Variants in ADAM23 observed in about 807,000 individuals in gnomAD.
ADAM23 encodes the protein disintegrin and metalloproteinase domain-containing protein 23.
In ADAM23, 33 loss-of-function variants were observed where a neutral mutation model predicts 120.1. The ratio of observed to expected loss-of-function variants is 0.27; its 90% confidence interval spans 0.21 to 0.37. ADAM23 has a LOEUF of 0.37. Ranked by LOEUF, ADAM23 falls within the 10% of genes least tolerant of loss-of-function variation. The pLI, the probability that ADAM23 is intolerant of heterozygous loss-of-function variation, is 1.00. For synonymous variants in ADAM23, 367 were observed against 375.2 expected, an observed-to-expected ratio of 0.98 and a Z score of 0.25; for missense variants, 862 against 1,058.2, an observed-to-expected ratio of 0.81 and a Z score of 2.57.
In ADAM23 at chr2:206,569,790, A is replaced by G. The variant is rs558363356; in HGVS notation, c.1495-950A>G. ...CCTGGAAACCTTTGCTTTTCGTAATAGTTTTGCCTTCCTGGAAGTGGAAGG... is the reference window on the plus strand; with the variant it reads ...CCTGGAAACCTTTGCTTTTCGTAATGGTTTTGCCTTCCTGGAAGTGGAAGG... On this transcript the variant is annotated intron_variant, in intron 15 of 25. Coordinates refer to ENST00000264377, the MANE Select transcript of ADAM23 (RefSeq NM_003812.4). 5.3e-5 allele frequency among the ~76,000 whole-genome samples: 8 copies of G among 152,224 alleles called. No homozygotes were observed. In the East Asian group the frequency reaches 1.4e-3, roughly 26 times the overall value.
At position 206,481,301 on chromosome 2, in the gene ADAM23, C is replaced by T. The variant is rs754988103; in HGVS notation, c.502C>T (p.Leu168=). 3 of 1,606,986 alleles carry T rather than the reference C, an allele frequency of 1.9e-6. No individual in the cohort carries two copies. The South Asian group carries it at 3.3e-5, about 18-fold the overall frequency. The part of the protein sequence containing the change: ...FGSKFILDLI[L]NNGLLSSDYV... ...CTCCAAATTCATTCTTGACCTCATA[C>T]TGAACAAGTGAGTATTTAGACATAA... The change falls in exon 3 of 26, where the codon CTG becomes TTG. Residue 168 remains leucine (L), a synonymous_variant. Coordinates refer to ENST00000264377, the MANE Select transcript of ADAM23 (RefSeq NM_003812.4).
chr2:206,553,290 G>A (rs1361989992), intron 9 of ADAM23, among the ~76,000 whole-genome samples: 1 of 151,948 alleles, frequency 6.6e-6, no homozygotes, highest in African/African-American at 2.4e-5. Context: ...TAAAAAATTA[G>A]CCGGAGGTGG....
chr2:206,521,269 A>G (rs1333368003), intron 3 of ADAM23, among the ~76,000 whole-genome samples: 1 of 152,112 alleles, frequency 6.6e-6, no homozygotes, highest in Non-Finnish European at 1.5e-5. Flanking sequence ...GCTGATATTC[A>G]GGGAACATCT....
chr2:206,584,849 G>A (rs981101313), intron 18 of ADAM23, among the ~76,000 whole-genome samples: 4 of 152,098 alleles, frequency 2.6e-5, no homozygotes, highest in Non-Finnish European at 5.9e-5. Flanking sequence ...CCACCTTCCC[G>A]TTGGATCCCT....
intron 6 of ADAM23, among the ~76,000 whole-genome samples, chr2:206,544,105 C>A (rs1320409795): frequency 6.6e-6 from 1 of 152,094 alleles, no homozygotes; most frequent in Non-Finnish European, 1.5e-5. Context: ...CACCTGTTCC[C>A]CAAAAACCTA....
intron 3 of ADAM23, among the ~76,000 whole-genome samples, chr2:206,492,757 C>CTAA (rs1696159858): frequency 6.6e-6 from 1 of 152,096 alleles, no homozygotes; most frequent in Admixed American, 6.6e-5. Flanking sequence ...CTCTCATGGC[C>CTAA]TAATCACCCT....
At chr2:206,507,655 T>C (rs192150640) in intron 3 of ADAM23, among the ~76,000 whole-genome samples, 1 of 152,318 alleles carries the variant, frequency 6.6e-6, no homozygotes, top group East Asian at 1.9e-4. Flanking sequence ...ATTGTATGGC[T>C]TTTTCCTGCG....
chr2:206,619,469 T>G lies in ADAM23; in HGVS notation c.*1842T>G, dbSNP rs913217947. 2.6e-4 allele frequency: 40 copies of G among 152,118 alleles called. No homozygotes were observed. The highest frequency in any genetic ancestry group is 9.6e-4 in the African/African-American group (40 of 41,484). 9.4% of individuals were successfully genotyped at this position (152,118 alleles called of 1,614,324 possible). On this transcript the variant is annotated 3_prime_UTR_variant, in exon 26 of 26. Coordinates refer to ENST00000264377, the MANE Select transcript of ADAM23 (RefSeq NM_003812.4). ...AGTGAGCATCCCTCTATAGATGGGC[T>G]TTAGTAAAGACTGTCCCAAAGAGCC...
intron 3 of ADAM23, among the ~76,000 whole-genome samples, chr2:206,493,040 T>G (rs1291418749): frequency 6.6e-6 from 1 of 152,196 alleles, no homozygotes; most frequent in Non-Finnish European, 1.5e-5. Flanking sequence ...TCCATAGATT[T>G]ATATAAAGTA....
chr2:206,463,227 A>G (rs1164149973), intron 2 of ADAM23, among the ~76,000 whole-genome samples: 1 of 152,232 alleles, frequency 6.6e-6, no homozygotes, highest in Non-Finnish European at 1.5e-5. Context: ...AGATGGGAGT[A>G]TATCCTGGAT....
chr2:206,522,116 T>C (rs1262467756), intron 3 of ADAM23, among the ~76,000 whole-genome samples: 1 of 151,924 alleles, frequency 6.6e-6, no homozygotes, highest in Non-Finnish European at 1.5e-5. Flanking sequence ...AGGTTATATA[T>C]ATGTATGTAA....
In ADAM23 at chr2:206,594,722, T is replaced by A. The variant is rs1698488247; in HGVS notation, c.2079-15T>A. On this transcript the variant is annotated splice_polypyrimidine_tract_variant and intron_variant, in intron 22 of 25. Coordinates refer to ENST00000264377, the MANE Select transcript of ADAM23 (RefSeq NM_003812.4). ...TGTGGTGCAAATAGTTATATGGGTA[T>A]CTTTCTTGTTTTAGTGGTGCCCATG... is the stretch of plus-strand genomic sequence containing the variant. 2 of 1,613,970 alleles carry A rather than the reference T, an allele frequency of 1.2e-6. No homozygotes were observed. Among genetic ancestry groups the A allele is most frequent in the East Asian group, 4.5e-5 (2 of 44,874 alleles).
intron 3 of ADAM23, among the ~76,000 whole-genome samples, chr2:206,524,951 C>T (rs919258537): frequency 6.6e-6 from 1 of 152,162 alleles, no homozygotes; most frequent in Admixed American, 6.5e-5. Flanking sequence ...TATTTTCCAC[C>T]TTGTAGACCA....
At chr2:206,580,447 A>G (rs527410246) in intron 18 of ADAM23, among the ~76,000 whole-genome samples, 1 of 152,214 alleles carries the variant, frequency 6.6e-6, no homozygotes, top group Admixed American at 6.5e-5. Flanking sequence ...ATTTTGTCAA[A>G]TGCTTTTTCT....
intron 3 of ADAM23, among the ~76,000 whole-genome samples, chr2:206,519,760 C>A (rs562642602): frequency 6.6e-6 from 1 of 152,034 alleles, no homozygotes; most frequent in Non-Finnish European, 1.5e-5. Flanking sequence ...TCTTCTAATA[C>A]CAGCACTTTG....
chr2:206,602,255 A>G (rs1166959169), intron 24 of ADAM23, among the ~76,000 whole-genome samples: 1 of 152,196 alleles, frequency 6.6e-6, no homozygotes, highest in East Asian at 1.9e-4. Flanking sequence ...GTTTCAGTTC[A>G]GAAAAACCCT....
At chr2:206,608,077 A>G in intron 24 of ADAM23, 1 of 391,720 alleles carries the variant, frequency 2.6e-6, no homozygotes, top group South Asian at 2.0e-5. Flanking sequence ...TGGGGAGGAA[A>G]TACATGTAAG....
chr2:206,574,130 C>G (rs774829104), intron 18 of ADAM23, among the ~76,000 whole-genome samples: 2 of 152,186 alleles, frequency 1.3e-5, no homozygotes, highest in Non-Finnish European at 2.9e-5. Context: ...CACACTTTCA[C>G]CATATGTCCA....
intron 20 of ADAM23, among the ~76,000 whole-genome samples, chr2:206,589,099 A>G (rs1698379666): frequency 6.6e-6 from 1 of 152,068 alleles, no homozygotes; most frequent in Non-Finnish European, 1.5e-5. Context: ...CCATCCTCAA[A>G]CTCACCAACA....
Sources: gnomAD v4.1 joint callset for allele counts (sites outside exome capture counted in the v4.1 genomes callset) on GRCh38, gnomAD v4.1.1 for gene constraint, MANE v1.5 for transcripts, NCBI Gene and HGNC (gene_info 2026-07-23, HGNC 2026-07-21) for gene names.